PRKN: variants seen among roughly 807,000 people sequenced by gnomAD.
The protein encoded by PRKN is E3 ubiquitin-protein ligase parkin.
PRKN carries 56 observed loss-of-function variants against 59.5 expected under a neutral mutation model. The observed-to-expected ratio is 0.94, with a 90% CI of 0.76 to 1.18. The LOEUF is 1.18. Among genes scored for constraint, PRKN ranks in the 50% most tolerant of loss-of-function variants. PRKN has a pLI of 0.00. For synonymous variants in PRKN, 250 were observed against 222.1 expected, an observed-to-expected ratio of 1.13 and a Z score of -1.12; for missense variants, 657 against 596.4, an observed-to-expected ratio of 1.10 and a Z score of -1.06.
At chr6:162,321,564 A>C (rs1783025188) in intron 2 of PRKN, among the ~76,000 whole-genome samples, 1 of 151,994 alleles carries the variant, frequency 6.6e-6, no homozygotes, top group Non-Finnish European at 1.5e-5. Context: ...AACAAGACAA[A>C]GATATTGTGA....
chr6:162,124,269 C>A (rs1781034582), intron 4 of PRKN, among the ~76,000 whole-genome samples: 1 of 152,136 alleles, frequency 6.6e-6, no homozygotes, highest in African/African-American at 2.4e-5. Context: ...TGTCTCAATT[C>A]CCTTAATATT....
Position 161,721,440 on chromosome 6 carries a change from C to A in PRKN, c.871+64332G>T, listed in dbSNP as rs552172839. Among the ~76,000 whole-genome samples the A allele has an allele frequency of 3.5e-4, 53 of 152,254 alleles. 1 individual carries two copies. Among genetic ancestry groups the A allele is most frequent in the African/African-American group, 1.2e-3 (51 of 41,544 alleles). On this transcript the variant is annotated intron_variant, in intron 7 of 11. Transcript: ENST00000366898. ...CCTCGTGCCTGCATCTGCTCAAGGGCCAGCCCTCCTGACTAAAAACGGAGA... is the reference window on the plus strand; with the variant it reads ...CCTCGTGCCTGCATCTGCTCAAGGGACAGCCCTCCTGACTAAAAACGGAGA...
At position 162,327,354 on chromosome 6, in the gene PRKN, ATTTTTG is replaced by A. The variant is rs1474978661; in HGVS notation, c.172-64595_172-64590del. Among the ~76,000 whole-genome samples, 4 of 152,116 alleles carry A rather than the reference ATTTTTG, an allele frequency of 2.6e-5. No homozygotes were observed. The East Asian group carries it at 7.7e-4, about 29-fold the overall frequency. On this transcript the variant is annotated intron_variant, in intron 2 of 11. Transcript: ENST00000366898. The stretch of plus-strand genomic sequence containing the variant: ...AAAGTTTTGTTGTGTTTTATTTTTT[ATTTTTG>A]TTTTTTGAAAAAAGACATGAGCAAT...
At chr6:162,099,519 T>G (rs1779878601) in intron 4 of PRKN, among the ~76,000 whole-genome samples, 1 of 152,194 alleles carries the variant, frequency 6.6e-6, no homozygotes, top group Non-Finnish European at 1.5e-5. Flanking sequence ...CGGCTTTAAT[T>G]GTAATTCCTG....
rs1388038881 is a variant in PRKN at position 162,418,612 on chromosome 6, C to CTGTGTGTGTGTGTGTGTG, written c.171+24697_171+24698insCACACACACACACACACA. On this transcript the variant is annotated intron_variant, in intron 2 of 11. Transcript: ENST00000366898. ...AAAGTGATGAAGAGAGAGGGACAGA[C>CTGTGTGTGTGTGTGTGTG]AGTGTGTGTGTGTGTGTGTGTGTGT... Among the ~76,000 whole-genome samples the CTGTGTGTGTGTGTGTGTG allele has an allele frequency of 6.5e-5, 5 of 76,766 alleles. No homozygotes were observed. In the South Asian group the frequency reaches 2.5e-3, roughly 39 times the overall value. 50.4% of individuals were successfully genotyped at this position (76,766 alleles called of 152,430 possible).
chr6:161,617,537 T>A (rs965373482), intron 7 of PRKN, among the ~76,000 whole-genome samples: 3 of 152,254 alleles, frequency 2.0e-5, no homozygotes, highest in Non-Finnish European at 4.4e-5. Flanking sequence ...GGTTTTAGAC[T>A]CAATTACTGT....
chr6:161,880,916 T>C (rs1189636963), intron 6 of PRKN, among the ~76,000 whole-genome samples: 2 of 152,188 alleles, frequency 1.3e-5, no homozygotes, highest in Non-Finnish European at 2.9e-5. Context: ...CGTGGGAGAT[T>C]GTTTCCCCAA....
Position 161,457,018 on chromosome 6 carries a change from G to A in PRKN, c.1084-70141C>T, listed in dbSNP as rs149135476. ...CTGAGTTCAGGACCTGGGTTTGGGC[G>A]TGGAAGGGCGGTGTGAGAGCAAGGC... On this transcript the variant is annotated intron_variant, in intron 9 of 11. Transcript: ENST00000366898. This position sits in a 1 kb window ranked among gnomAD's most constrained non-coding sequence, Gnocchi z 5.0. Among the ~76,000 whole-genome samples, 15 of 152,332 alleles carry A rather than the reference G, an allele frequency of 9.8e-5. No individual in the cohort carries two copies. In the East Asian group the frequency reaches 1.5e-3, roughly 16 times the overall value.
At position 161,678,216 on chromosome 6, in the gene PRKN, C is replaced by CTTTTTTTTTTTTTTTT. The variant is rs3066554; in HGVS notation, c.871+107540_871+107555dup. On this transcript the variant is annotated intron_variant, in intron 7 of 11. Coordinates refer to ENST00000366898, the MANE Select transcript of PRKN (RefSeq NM_004562.3). ...TTATGGTAATAACAATACTGAATCA[C>CTTTTTTTTTTTTTTTT]TTTTTTTTTTTTTTTTTTTTTTTTT... is the stretch of plus-strand genomic sequence containing the variant. Among the ~76,000 whole-genome samples the CTTTTTTTTTTTTTTTT allele has an allele frequency of 9.2e-5, 6 of 64,948 alleles. 2 individuals carry two copies. The highest frequency in any genetic ancestry group is 3.9e-4 in the African/African-American group (5 of 12,690). The allele number at this position is 64,948 out of a possible 152,430, so 42.6% of individuals were successfully genotyped here.
At position 162,011,456 on chromosome 6, in the gene PRKN, T is replaced by G. The variant is rs1425457942; in HGVS notation, c.619-38039A>C. On this transcript the variant is annotated intron_variant, in intron 5 of 11. Coordinates refer to ENST00000366898, the MANE Select transcript of PRKN (RefSeq NM_004562.3). ...TATGTTATATATTTATAATATATAATATATATATTATAATATATAATATAT... is the reference window on the plus strand; with the variant it reads ...TATGTTATATATTTATAATATATAAGATATATATTATAATATATAATATAT... Among the ~76,000 whole-genome samples, 11 of 18,230 alleles carry G rather than the reference T, an allele frequency of 6.0e-4. 3 individuals are homozygous for G. Among genetic ancestry groups the G allele is most frequent in the Admixed American group, 1.2e-3 (1 of 834 alleles). 12.0% of individuals were successfully genotyped at this position (18,230 alleles called of 152,430 possible).
chr6:162,144,939 C>T (rs1018686889), intron 4 of PRKN, among the ~76,000 whole-genome samples: 1 of 152,142 alleles, frequency 6.6e-6, no homozygotes, highest in South Asian at 2.1e-4. Flanking sequence ...ATAGCACCAA[C>T]TCATCATTTT....
At chr6:162,445,567 T>C (rs928607516) in intron 1 of PRKN, among the ~76,000 whole-genome samples, 3 of 151,150 alleles carry the variant, frequency 2.0e-5, no homozygotes, top group Non-Finnish European at 4.4e-5. Context: ...TGGCGTGCAC[T>C]TGCAGTCCCA....
At chr6:161,773,569 G>A (rs1000647430) in intron 7 of PRKN, among the ~76,000 whole-genome samples, 1 of 152,060 alleles carries the variant, frequency 6.6e-6, no homozygotes, top group African/African-American at 2.4e-5. Context: ...AAAGACAGCT[G>A]TTTTGAGCAA....
intron 6 of PRKN, among the ~76,000 whole-genome samples, chr6:161,958,342 G>A (rs899420687): frequency 1.3e-5 from 2 of 152,050 alleles, no homozygotes; most frequent in Non-Finnish European, 2.9e-5. Context: ...GATTCAGTAG[G>A]AAACTAAATT....
chr6:161,714,965 G>T (rs1786910876), intron 7 of PRKN, among the ~76,000 whole-genome samples: 2 of 152,052 alleles, frequency 1.3e-5, no homozygotes. Flanking sequence ...GCATCTTAAG[G>T]ATGCCATATT....
intron 4 of PRKN, among the ~76,000 whole-genome samples, chr6:162,179,672 C>T (rs1037898947): frequency 1.3e-5 from 2 of 152,002 alleles, no homozygotes; most frequent in Admixed American, 6.6e-5. Flanking sequence ...GGTTTATGCC[C>T]CTTACTATAT....
Position 161,526,025 on chromosome 6 carries a change from A to G in PRKN, c.1083+22829T>C, listed in dbSNP as rs1779004413. On this transcript the variant is annotated intron_variant, in intron 9 of 11. Coordinates refer to ENST00000366898, the MANE Select transcript of PRKN (RefSeq NM_004562.3). The surrounding 1 kb of genome is among the most constrained non-coding windows in gnomAD (Gnocchi z 4.1). ...TAACCCAAATCTGTGTATATAAGCA[A>G]TTTAGTATTGTGTATCTTCTAAAGA... Among the ~76,000 whole-genome samples the G allele has an allele frequency of 6.6e-6, 1 of 152,330 alleles. No individual in the cohort carries two copies. Among genetic ancestry groups the G allele is most frequent in the East Asian group, 1.9e-4 (1 of 5,188 alleles).
chr6:161,468,271 C>T lies in PRKN; in HGVS notation c.1083+80583G>A, dbSNP rs1228522278. ...TACAGGCATGAGCCGCCATGCCCAG[C>T]CTCTTACCCTATACTTTAAAACAAA... is the stretch of plus-strand genomic sequence containing the variant. On this transcript the variant is annotated intron_variant, in intron 9 of 11. Transcript: ENST00000366898. This position sits in a 1 kb window ranked among gnomAD's most constrained non-coding sequence, Gnocchi z 5.9. Among the ~76,000 whole-genome samples the T allele has an allele frequency of 6.6e-6, 1 of 152,088 alleles. No individual in the cohort carries two copies. The highest frequency in any genetic ancestry group is 2.4e-5 in the African/African-American group (1 of 41,402).
At chr6:161,687,333 G>A (rs553240383) in intron 7 of PRKN, among the ~76,000 whole-genome samples, 15 of 119,748 alleles carry the variant, frequency 1.3e-4, no homozygotes, top group Non-Finnish European at 6.5e-5. Context: ...AGGTTGCAGT[G>A]AGCCGAGATC....
Sources: allele counts gnomAD v4.1 joint callset (sites outside exome capture counted in the v4.1 genomes callset), GRCh38; gene constraint gnomAD v4.1.1; non-coding constraint Gnocchi (gnomAD v3.1); transcripts MANE v1.5; gene names NCBI Gene and HGNC (gene_info 2026-07-23, HGNC 2026-07-21).